SMARCB1: variants seen among roughly 807,000 people sequenced by gnomAD.
SMARCB1 encodes SWI/SNF-related matrix-associated actin-dependent regulator of chromatin subfamily B member 1.
In SMARCB1, 5 loss-of-function variants were observed where a neutral mutation model predicts 49.0. The ratio of observed to expected loss-of-function variants is 0.10; its 90% CI spans 0.05 to 0.21. The LOEUF (loss-of-function observed/expected upper bound fraction) is 0.21. Ranked by LOEUF, SMARCB1 falls within the 10% of genes least tolerant of loss-of-function variation. The pLI is 1.00. For missense variants in SMARCB1, 226 were observed against 509.2 expected (o/e 0.44, Z 5.35); for synonymous variants, 201 against 200.1 (o/e 1.00, Z -0.04).
chr22:23,837,553 G>T lies in SMARCB1; in HGVS notation c.*3373G>T. 8.4e-7 allele frequency: 1 copy of T among 1,191,654 alleles called. No individual in the cohort carries two copies. Among genetic ancestry groups the T allele is most frequent in the Non-Finnish European group, 1.2e-6 (1 of 846,756 alleles). 73.8% of individuals were successfully genotyped at this position (1,191,654 alleles called of 1,614,324 possible). On this transcript the variant is annotated 3_prime_UTR_variant, in exon 9 of 9. Coordinates refer to ENST00000644036, the MANE Select transcript of SMARCB1 (RefSeq NM_003073.5). ...CAGGAAGATGGGGATGGAGCCAGGTGTGAGGAGAACTCCAGCAAGGATGGG... is the reference window on the plus strand; with the variant it reads ...CAGGAAGATGGGGATGGAGCCAGGTTTGAGGAGAACTCCAGCAAGGATGGG...
intron 7 of SMARCB1, among the ~76,000 whole-genome samples, chr22:23,827,510 C>A (rs898177714): frequency 2.6e-5 from 4 of 152,202 alleles, no homozygotes; most frequent in Non-Finnish European, 5.9e-5. Context: ...TTTATCTCAT[C>A]GACCACTTAG....
intron 5 of SMARCB1, among the ~76,000 whole-genome samples, chr22:23,814,757 G>A (rs1482487660): frequency 6.7e-6 from 1 of 150,082 alleles, no homozygotes; most frequent in African/African-American, 2.4e-5. Context: ...GATCACCTGA[G>A]GTCAGGAGTT....
At chr22:23,825,437 T>C (rs1470588714) in intron 7 of SMARCB1, 22 bp downstream of exon 7, 1 of 1,602,608 alleles carries the variant, frequency 6.2e-7, no homozygotes, top group African/African-American at 1.3e-5. Flanking sequence ...CATGAGTCTC[T>C]CCCTCCCTCA....
chr22:23,835,875 C>A lies in SMARCB1; in HGVS notation c.*1695C>A. ...GGAAGGCTGGGCCCTCACTCCTGAC[C>A]GCCAGCTCACACCGCCGCAAAGCCA... On this transcript the variant is annotated 3_prime_UTR_variant, in exon 9 of 9. Coordinates refer to ENST00000644036, the MANE Select transcript of SMARCB1 (RefSeq NM_003073.5). 2 of 985,490 alleles carry A rather than the reference C, an allele frequency of 2.0e-6. No individual in the cohort carries two copies. Among genetic ancestry groups the A allele is most frequent in the South Asian group, 4.7e-5 (1 of 21,286 alleles). The allele number at this position is 985,490 out of a possible 1,614,324, so 61.0% of individuals were successfully genotyped here.
intron 5 of SMARCB1, chr22:23,816,415 T>C (rs527458263): frequency 6.6e-6 from 3 of 452,126 alleles, no homozygotes; most frequent in South Asian, 6.5e-5. Context: ...CAGAGGGGAG[T>C]AGAGAGATGG....
chr22:23,790,801 C>T (rs925011043), intron 1 of SMARCB1, among the ~76,000 whole-genome samples: 3 of 152,044 alleles, frequency 2.0e-5, no homozygotes, highest in East Asian at 3.9e-4. Flanking sequence ...TATGATCGAT[C>T]GCACCACTGC....
chr22:23,824,973 G>C, intron 6 of SMARCB1: 1 of 570,684 alleles, frequency 1.8e-6, no homozygotes, highest in Non-Finnish European at 3.1e-6. Context: ...GGACTCAGGT[G>C]CCCCCGGGGT....
rs34904663 is a variant in SMARCB1, at chr22:23,825,044, A to G, written c.796-181A>G. On this transcript the variant is annotated intron_variant, in intron 6 of 8. Transcript: ENST00000644036. ...CCTGAGCCAGAGCCCCTCATGGCAG[A>G]CAGGGTTGTGGGGTCAGCCTTGTTT... The G allele has an allele frequency of 1.4e-3, 916 of 638,560 alleles. 1 individual carries two copies. The highest frequency in any genetic ancestry group is 1.7e-3 in the Non-Finnish European group (611 of 355,106). 39.6% of individuals were successfully genotyped at this position (638,560 alleles called of 1,614,324 possible). A position where few individuals can be genotyped will look rare whatever the true frequency, so the allele number is the denominator to read the frequency against.
In SMARCB1 at chr22:23,836,091, C is replaced by G. The variant is rs551310409; in HGVS notation, c.*1911C>G. 557 of 985,472 alleles carry G rather than the reference C, an allele frequency of 5.7e-4. 3 individuals carry two copies. The African/African-American group carries it at 9.3e-3, about 16-fold the overall frequency. The allele number at this position is 985,472 out of a possible 1,614,324, so 61.0% of individuals were successfully genotyped here. A position where few individuals can be genotyped will look rare whatever the true frequency, so the allele number is the denominator to read the frequency against. ...GAAGAGAAAAATGAGCCACAGGGGT[C>G]GGATAAGGCTCACACACGTCCTCAG... On this transcript the variant is annotated 3_prime_UTR_variant, in exon 9 of 9. Coordinates refer to ENST00000644036, the MANE Select transcript of SMARCB1 (RefSeq NM_003073.5).
chr22:23,806,338 T>C (rs985376125), intron 5 of SMARCB1, among the ~76,000 whole-genome samples: 20 of 152,134 alleles, frequency 1.3e-4, no homozygotes, highest in African/African-American at 4.8e-4. Flanking sequence ...GGAGTTCTAA[T>C]GTAAAATATG....
rs562534869 is a variant in SMARCB1, at chr22:23,836,856, C to T, written c.*2676C>T. 1.2e-5 allele frequency: 18 copies of T among 1,454,636 alleles called. No homozygotes were observed. The South Asian group carries it at 2.2e-4, about 18-fold the overall frequency. 90.1% of individuals were successfully genotyped at this position (1,454,636 alleles called of 1,614,324 possible). On this transcript the variant is annotated 3_prime_UTR_variant, in exon 9 of 9. Transcript: ENST00000644036. Reference sequence around the variant, plus strand: ...GCTGCCAGAAGCCTCTTAGGCCTGGCCCTGGGTGGGGGTCACTGCTGCGGG... The same window carrying T: ...GCTGCCAGAAGCCTCTTAGGCCTGGTCCTGGGTGGGGGTCACTGCTGCGGG...
intron 1 of SMARCB1, among the ~76,000 whole-genome samples, chr22:23,788,745 T>G (rs1423727302): frequency 2.0e-5 from 3 of 152,206 alleles, no homozygotes; most frequent in Admixed American, 6.5e-5. Flanking sequence ...GGTTTTATCC[T>G]TCACAATTGA....
Position 23,837,970 on chromosome 22 carries a change from A to G in SMARCB1, c.*3790A>G. ...CTCCCCTATGTGCTATTCCCTCATC[A>G]AGATGAGCCAGTCCAATAAAGGCGA... On this transcript the variant is annotated 3_prime_UTR_variant, in exon 9 of 9. Transcript: ENST00000644036. The G allele has an allele frequency of 3.2e-6, 4 of 1,266,376 alleles. No homozygotes were observed. The highest frequency in any genetic ancestry group is 4.3e-6 in the Non-Finnish European group (4 of 935,784). The allele number at this position is 1,266,376 out of a possible 1,614,324, so 78.4% of individuals were successfully genotyped here. A position where few individuals can be genotyped will look rare whatever the true frequency, so the allele number is the denominator to read the frequency against.
intron 5 of SMARCB1, among the ~76,000 whole-genome samples, chr22:23,809,275 CTT>C (rs1259830307): frequency 3.3e-4 from 44 of 134,244 alleles, no homozygotes; most frequent in Admixed American, 5.3e-4. Context: ...ATTGGACATT[CTT>C]TTTTTTTTTT....
chr22:23,803,435 C>T lies in SMARCB1; in HGVS notation c.628+13C>T, dbSNP rs184021903. On this transcript the variant is annotated intron_variant, in intron 5 of 8. Coordinates refer to ENST00000644036, the MANE Select transcript of SMARCB1 (RefSeq NM_003073.5). ...TGGAACATGAATGGTACAAGGCAGT[C>T]GGGCTTGGCTGGGCCTGGCCCCAAC... 3.0e-3 allele frequency: 4,848 copies of T among 1,613,922 alleles called. 8 individuals carry two copies. Among genetic ancestry groups the T allele is most frequent in the Middle Eastern group, 4.5e-3 (27 of 6,018 alleles).
rs1395390285 is a variant in SMARCB1, at chr22:23,835,705, C to T, written c.*1525C>T. 37 of 985,370 alleles carry T rather than the reference C, an allele frequency of 3.8e-5. No homozygotes were observed. The highest frequency in any genetic ancestry group is 4.3e-5 in the Non-Finnish European group (36 of 829,956). 61.0% of individuals were successfully genotyped at this position (985,370 alleles called of 1,614,324 possible). ...TCTTAGACATGAACAGGTTTCATTG[C>T]TGAGGTGTTTGTTCTGTCCATGAGG... On this transcript the variant is annotated 3_prime_UTR_variant, in exon 9 of 9. Transcript: ENST00000644036.
In SMARCB1 at chr22:23,834,816, C is replaced by T. The variant is rs1435551279; in HGVS notation, c.*636C>T. On this transcript the variant is annotated 3_prime_UTR_variant, in exon 9 of 9. Transcript: ENST00000644036. ...CAGGAACAGCCCTAACCCTGCTCCC[C>T]TTGCTTGGCCTCAGGAAGGTGCCGC... 1.9e-6 allele frequency: 3 copies of T among 1,608,742 alleles called. No individual in the cohort carries two copies. In the South Asian group the frequency reaches 3.3e-5, roughly 18 times the overall value.
Position 23,810,641 on chromosome 22 carries a change from CT to C in SMARCB1, c.629-6126del, listed in dbSNP as rs1011829477. On this transcript the variant is annotated intron_variant, in intron 5 of 8. Coordinates refer to ENST00000644036, the MANE Select transcript of SMARCB1 (RefSeq NM_003073.5). ...AAAAAATGTAGATAAATAAAATAGA[CT>C]TTCCTCTCCTCTTGGGTTTAACAAA... Among the ~76,000 whole-genome samples, 35 of 151,554 alleles carry C rather than the reference CT, an allele frequency of 2.3e-4. 1 individual carries two copies.
At chr22:23,797,174 G>T (rs5751735) in intron 3 of SMARCB1, among the ~76,000 whole-genome samples, 1 of 145,730 alleles carries the variant, frequency 6.9e-6, no homozygotes. Context: ...AATTTTTTGT[G>T]TTTTTAGTAG....
Sources: allele counts gnomAD v4.1 joint callset (sites outside exome capture counted in the v4.1 genomes callset), GRCh38; gene constraint gnomAD v4.1.1; transcripts MANE v1.5; gene names NCBI Gene and HGNC (gene_info 2026-07-23, HGNC 2026-07-21).